The following GALR1 variants were observed in gnomAD, a reference collection of about 807,000 sequenced individuals.
The protein encoded by GALR1 is galanin receptor 1.
In GALR1, 11 loss-of-function variants were observed where a neutral mutation model predicts 17.9. The observed-to-expected ratio is 0.62, with a 90% CI of 0.39 to 1.02. The LOEUF (loss-of-function observed/expected upper bound fraction) is 1.02. Ranked by LOEUF, GALR1 falls within the 50% of genes least tolerant of loss-of-function variation. GALR1 has a pLI of 0.01. For synonymous variants in GALR1, 206 were observed against 205.7 expected (o/e 1.00, Z -0.01); for missense variants, 441 against 456.9 (o/e 0.97, Z 0.32).
chr18:77,256,710 A>G (rs1052677226), intron 2 of GALR1, among the ~76,000 whole-genome samples: 1 of 152,202 alleles, frequency 6.6e-6, no homozygotes, highest in Non-Finnish European at 1.5e-5. Flanking sequence ...TTTCACCCAC[A>G]TGTGCTGACT....
rs188793878 is a variant in GALR1, at chr18:77,256,143, G to A, written c.667-15G>A. 1 of 1,544,974 alleles carries A rather than the reference G, an allele frequency of 6.5e-7. No homozygotes were observed. The highest frequency in any genetic ancestry group is 2.2e-5 in the East Asian group (1 of 44,550). ...GAGGTGAGGCGAACTGATTTCAATA[G>A]TCTGTGTCTTTCAGGTCCTTAATCA... On this transcript the variant is annotated splice_polypyrimidine_tract_variant and intron_variant, in intron 1 of 2. Transcript: ENST00000299727.
intron 2 of GALR1, among the ~76,000 whole-genome samples, chr18:77,266,605 G>T (rs1912947611): frequency 6.6e-6 from 1 of 152,202 alleles, no homozygotes; most frequent in Non-Finnish European, 1.5e-5. Context: ...ATAAAGGAAA[G>T]AAGTTTAACT....
In GALR1 at chr18:77,269,245, A is replaced by T; in HGVS notation, c.*343A>T. On this transcript the variant is annotated 3_prime_UTR_variant, in exon 3 of 3. Coordinates refer to ENST00000299727, the MANE Select transcript of GALR1 (RefSeq NM_001480.4). ...TGTGAACTGGCCCATCAATATGGTC[A>T]GGAATATTTGCAGTCTACATTTTAA... 5.7e-6 allele frequency: 1 copy of T among 176,398 alleles called. No homozygotes were observed. Among genetic ancestry groups the T allele is most frequent in the Non-Finnish European group, 1.2e-5 (1 of 84,746 alleles). 10.9% of individuals were successfully genotyped at this position (176,398 alleles called of 1,614,324 possible). A position where few individuals can be genotyped will look rare whatever the true frequency, so the allele number is the denominator to read the frequency against.
rs1913117918 is a variant in GALR1, at chr18:77,274,455, A to C, written c.*5553A>C. The C allele has an allele frequency of 6.6e-6, 1 of 152,296 alleles. No individual in the cohort carries two copies. The highest frequency in any genetic ancestry group is 2.4e-5 in the African/African-American group (1 of 41,460). The allele number at this position is 152,296 out of a possible 1,614,324, so 9.4% of individuals were successfully genotyped here. ...AGTGTCGTTCCCCTAGGACTTCTGC[A>C]ATGGGATACCAAAGATGACGTGTAA... On this transcript the variant is annotated 3_prime_UTR_variant, in exon 3 of 3. Transcript: ENST00000299727.
In GALR1 at chr18:77,276,923, A is replaced by T. The variant is rs1913169461; in HGVS notation, c.*8021A>T. Reference sequence around the variant, plus strand: ...AGAGATTGTTATAATTTTTGCCTCAAAAAAATAAAATAAAATAGCTTGGTG... The same window carrying T: ...AGAGATTGTTATAATTTTTGCCTCATAAAAATAAAATAAAATAGCTTGGTG... On this transcript the variant is annotated 3_prime_UTR_variant, in exon 3 of 3. Coordinates refer to ENST00000299727, the MANE Select transcript of GALR1 (RefSeq NM_001480.4). 1 of 152,182 alleles carries T rather than the reference A, an allele frequency of 6.6e-6. No homozygotes were observed. The highest frequency in any genetic ancestry group is 1.5e-5 in the Non-Finnish European group (1 of 68,036). 9.4% of individuals were successfully genotyped at this position (152,182 alleles called of 1,614,324 possible).
At position 77,268,922 on chromosome 18, in the gene GALR1, A is replaced by G. The variant is rs1462948866; in HGVS notation, c.*20A>G. The G allele has an allele frequency of 1.3e-6, 2 of 1,572,994 alleles. No homozygotes were observed. Among genetic ancestry groups the G allele is most frequent in the Non-Finnish European group, 1.7e-6 (2 of 1,147,566 alleles). On this transcript the variant is annotated 3_prime_UTR_variant, in exon 3 of 3. Transcript: ENST00000299727. ...GTGTGATAAAAGATAGAGTATCCTTATGGTTGAGTTTCCATATAAGTGGAC... is the reference window on the plus strand; with the variant it reads ...GTGTGATAAAAGATAGAGTATCCTTGTGGTTGAGTTTCCATATAAGTGGAC...
intron 1 of GALR1, among the ~76,000 whole-genome samples, chr18:77,255,532 G>A (rs1046838763): frequency 2.0e-5 from 3 of 152,190 alleles, no homozygotes; most frequent in African/African-American, 7.2e-5. Flanking sequence ...AAGGAAGCCT[G>A]ATGGGAGGTG....
intron 2 of GALR1, among the ~76,000 whole-genome samples, chr18:77,263,694 C>T (rs1391929153): frequency 6.6e-6 from 1 of 152,182 alleles, no homozygotes; most frequent in Admixed American, 6.5e-5. Context: ...GGCACAGCTT[C>T]CTGGCTTCCA....
At chr18:77,265,633 A>T (rs1417910252) in intron 2 of GALR1, among the ~76,000 whole-genome samples, 2 of 152,252 alleles carry the variant, frequency 1.3e-5, no homozygotes, top group East Asian at 3.8e-4. Context: ...CCCCTGCAGT[A>T]GACTTCTGCC....
intron 2 of GALR1, among the ~76,000 whole-genome samples, chr18:77,267,884 C>T (rs1912977413): frequency 6.6e-6 from 1 of 152,194 alleles, no homozygotes; most frequent in African/African-American, 2.4e-5. Flanking sequence ...TTGATGTCCT[C>T]TCCTGTTGAG....
chr18:77,268,755 C>G lies in GALR1; in HGVS notation c.903C>G (p.Ile301Met). The G allele has an allele frequency of 6.2e-7, 1 of 1,614,148 alleles. No homozygotes were observed. Among genetic ancestry groups the G allele is most frequent in the Non-Finnish European group, 8.5e-7 (1 of 1,180,022 alleles). ...ACAGCAATTCCTCCGTGAATCCTAT[C>G]ATTTATGCATTTCTCTCTGAAAATT... is the stretch of plus-strand genomic sequence containing the variant. Reference protein sequence around the residue: ...LAYSNSSVNPIIYAFLSENFR... With the variant: ...LAYSNSSVNPMIYAFLSENFR... The change falls in exon 3 of 3, where the codon ATC becomes ATG. Residue 301 changes from isoleucine to methionine, a missense_variant. Physicochemically the swap from Ile to Met is conservative, Grantham distance 10 (BLOSUM62 1). Coordinates refer to ENST00000299727, the MANE Select transcript of GALR1 (RefSeq NM_001480.4).
intron 2 of GALR1, among the ~76,000 whole-genome samples, chr18:77,258,551 GGTGGTGGTC>G (rs1912649461): frequency 6.8e-6 from 1 of 147,304 alleles, no homozygotes; most frequent in Non-Finnish European, 1.5e-5. Context: ...TGGTGGTGAT[GGTGGTGGTC>G]ATAGTGGGGG....
At position 77,268,651 on chromosome 18, in the gene GALR1, C is replaced by T. The variant is rs969545934; in HGVS notation, c.799C>T (p.His267Tyr). 1 of 1,614,020 alleles carries T rather than the reference C, an allele frequency of 6.2e-7. No individual in the cohort carries two copies. The highest frequency in any genetic ancestry group is 1.3e-5 in the African/African-American group (1 of 74,928). Residue 267 changes from histidine (H) to tyrosine (Y), a missense_variant, in exon 3 of 3, where the codon CAT becomes TAT. Physicochemically the swap from His to Tyr is moderately conservative, Grantham distance 83. Coordinates refer to ENST00000299727, the MANE Select transcript of GALR1 (RefSeq NM_001480.4). ...CTCCTGGCTGCCGCACCACATCATC[C>T]ATCTCTGGGCTGAGTTTGGAGTTTT... The part of the protein sequence containing the change: ...GISWLPHHII[H>Y]LWAEFGVFPL...
chr18:77,261,704 C>T (rs1347895698), intron 2 of GALR1, among the ~76,000 whole-genome samples: 1 of 152,172 alleles, frequency 6.6e-6, no homozygotes, highest in Non-Finnish European at 1.5e-5. Context: ...ATGCTTCAGC[C>T]TTAGGGGTTG....
At chr18:77,264,368 TATA>T (rs1912900591) in intron 2 of GALR1, among the ~76,000 whole-genome samples, 1 of 152,126 alleles carries the variant, frequency 6.6e-6, no homozygotes. Context: ...CATGTGAAGT[TATA>T]AGAAAAATAA....
chr18:77,258,346 C>T (rs1035766542), intron 2 of GALR1, among the ~76,000 whole-genome samples: 8 of 152,184 alleles, frequency 5.3e-5, no homozygotes, highest in Non-Finnish European at 1.0e-4. Context: ...TTTTCGTTTT[C>T]ACAGCCTCTG....
At chr18:77,252,264 A>C (rs1411913577) in intron 1 of GALR1, among the ~76,000 whole-genome samples, 1 of 152,250 alleles carries the variant, frequency 6.6e-6, no homozygotes, top group Non-Finnish European at 1.5e-5. Context: ...ATGGCGATTC[A>C]CCGGGTAAAC....
intron 2 of GALR1, among the ~76,000 whole-genome samples, chr18:77,258,079 A>G (rs1170311542): frequency 6.6e-6 from 1 of 152,234 alleles, no homozygotes; most frequent in Non-Finnish European, 1.5e-5. Flanking sequence ...ATACTGAAAA[A>G]ATAGGTCTTA....
rs1912357105 is a variant in GALR1, at chr18:77,250,090, G to A, written c.-459G>A. Reference sequence around the variant, plus strand: ...CTGGGCAGTGCGGGGAAGCGCCGCGGGAAGGAGCGGCTCCGAGCAACAGGT... The same window carrying A: ...CTGGGCAGTGCGGGGAAGCGCCGCGAGAAGGAGCGGCTCCGAGCAACAGGT... On this transcript the variant is annotated 5_prime_UTR_variant, in exon 1 of 3. Transcript: ENST00000299727. 6.6e-6 allele frequency among the ~76,000 whole-genome samples: 1 copy of A among 152,158 alleles called. No individual in the cohort carries two copies. The highest frequency in any genetic ancestry group is 2.4e-5 in the African/African-American group (1 of 41,454).
Sources: allele counts gnomAD v4.1 joint callset (sites outside exome capture counted in the v4.1 genomes callset), GRCh38; gene constraint gnomAD v4.1.1; transcripts MANE v1.5; gene names NCBI Gene and HGNC (gene_info 2026-07-23, HGNC 2026-07-21).